SNX2: variants seen among roughly 807,000 people sequenced by gnomAD.
SNX2 encodes the protein sorting nexin 2, also known as sorting nexin-2.
SNX2 carries 25 observed loss-of-function variants against 69.9 expected under a neutral mutation model. The ratio of observed to expected loss-of-function variants is 0.36; its 90% CI spans 0.26 to 0.50. SNX2 has a LOEUF of 0.50. Ranked by LOEUF, SNX2 falls within the 20% of genes least tolerant of loss-of-function variation. The pLI, the probability that SNX2 is intolerant of heterozygous loss-of-function variation, is 0.97. For synonymous variants in SNX2, 229 were observed against 200.4 expected, an observed-to-expected ratio of 1.14 and a Z score of -1.20; for missense variants, 551 against 613.3, an observed-to-expected ratio of 0.90 and a Z score of 1.07.
At chr5:122,799,084 G>T (rs1753452967) in intron 2 of SNX2, among the ~76,000 whole-genome samples, 1 of 151,360 alleles carries the variant, frequency 6.6e-6, no homozygotes, top group Non-Finnish European at 1.5e-5. Context: ...TTATTGATTT[G>T]GTTTGATTTT....
intron 1 of SNX2, among the ~76,000 whole-genome samples, chr5:122,788,047 C>A (rs989796208): frequency 6.6e-6 from 1 of 152,136 alleles, no homozygotes; most frequent in Non-Finnish European, 1.5e-5. Flanking sequence ...TAAAGAATTT[C>A]CTTCAGCATT....
intron 1 of SNX2, among the ~76,000 whole-genome samples, chr5:122,792,765 A>T (rs1034052164): frequency 7.2e-5 from 11 of 152,220 alleles, no homozygotes; most frequent in African/African-American, 2.2e-4. Context: ...TTTTATCCAG[A>T]ATATATAAGG....
intron 1 of SNX2, among the ~76,000 whole-genome samples, chr5:122,791,787 T>A (rs899066718): frequency 1.2e-4 from 18 of 152,252 alleles, no homozygotes; most frequent in Admixed American, 1.0e-3. Context: ...TATCCATCAT[T>A]ATTTTCTTAA....
chr5:122,825,574 T>C (rs1249041707), intron 11 of SNX2, among the ~76,000 whole-genome samples: 2 of 152,110 alleles, frequency 1.3e-5, no homozygotes, highest in Non-Finnish European at 2.9e-5. Context: ...TTTGCCTTTT[T>C]TTATTTGCTA....
At chr5:122,801,817 C>A in intron 3 of SNX2, 52 bp from the exon 4 acceptor site, 1 of 1,143,940 alleles carries the variant, frequency 8.7e-7, no homozygotes, top group Non-Finnish European at 1.3e-6. Flanking sequence ...AGTGTCATGA[C>A]AATAATTTAA....
rs1446544794 is a variant in SNX2 at position 122,795,399 on chromosome 5, T to G, written c.226+16T>G. 1.3e-6 allele frequency: 2 copies of G among 1,503,724 alleles called. No individual in the cohort carries two copies. The highest frequency in any genetic ancestry group is 4.5e-5 in the East Asian group (2 of 44,224). 93.1% of individuals were successfully genotyped at this position (1,503,724 alleles called of 1,614,324 possible). A position where few individuals can be genotyped will look rare whatever the true frequency, so the allele number is the denominator to read the frequency against. ...CTTTTTGCAGGTAATTGTCATGTAT[T>G]TATTTTTTAATAATGGTCAATTGCA... On this transcript the variant is annotated intron_variant, in intron 2 of 14. Coordinates refer to ENST00000379516, the MANE Select transcript of SNX2 (RefSeq NM_003100.4).
intron 11 of SNX2, among the ~76,000 whole-genome samples, chr5:122,825,388 A>G (rs145382893): frequency 0.01 from 1,592 of 152,122 alleles, 44 homozygotes; most frequent in Admixed American, 0.063. Flanking sequence ...TTGCTCTGCC[A>G]GACTCCTTGA....
At chr5:122,806,142 G>GCGCACACACACA in intron 6 of SNX2, among the ~76,000 whole-genome samples, 1 of 130,584 alleles carries the variant, frequency 7.7e-6, no homozygotes, top group Non-Finnish European at 1.6e-5. Context: ...ACACGCGCGC[G>GCGCACACACACA]CACACACACA....
chr5:122,784,668 T>C (rs1753042465), intron 1 of SNX2, among the ~76,000 whole-genome samples: 1 of 152,206 alleles, frequency 6.6e-6, no homozygotes. Context: ...GTTTAGGCTT[T>C]TGTGTCTGTG....
chr5:122,801,652 C>CATGTGTGTGTGT (rs113836294), intron 3 of SNX2, among the ~76,000 whole-genome samples: 19 of 132,120 alleles, frequency 1.4e-4, no homozygotes, highest in African/African-American at 5.3e-4. Context: ...TGGTCTTTTT[C>CATGTGTGTGTGT]GTGTGTGTGT....
At chr5:122,805,049 T>C (rs957718372) in intron 6 of SNX2, among the ~76,000 whole-genome samples, 10 of 152,038 alleles carry the variant, frequency 6.6e-5, no homozygotes, top group Non-Finnish European at 1.5e-4. Context: ...CTCGGCACTT[T>C]GGGAGACCGA....
Position 122,831,489 on chromosome 5 carries a change from A to G in SNX2, c.*1841A>G, listed in dbSNP as rs201131977. Among the ~76,000 whole-genome samples the G allele has an allele frequency of 1.4e-5, 2 of 148,122 alleles. No homozygotes were observed. The highest frequency in any genetic ancestry group is 3.9e-4 in the East Asian group (2 of 5,194). Reference sequence around the variant, plus strand: ...GACAACATAGTGAGACCCTGTCTCTAAAAAAAATGAAGACTTGATGAGTTG... The same window carrying G: ...GACAACATAGTGAGACCCTGTCTCTGAAAAAAATGAAGACTTGATGAGTTG... On this transcript the variant is annotated 3_prime_UTR_variant, in exon 15 of 15. Coordinates refer to ENST00000379516, the MANE Select transcript of SNX2 (RefSeq NM_003100.4).
chr5:122,814,236 A>T (rs1053727371), intron 7 of SNX2, among the ~76,000 whole-genome samples: 8 of 152,202 alleles, frequency 5.3e-5, no homozygotes, highest in African/African-American at 1.4e-4. Context: ...AACTTATCTG[A>T]TATATTGTGA....
intron 1 of SNX2, chr5:122,775,757 A>C: frequency 5.1e-6 from 5 of 985,396 alleles, no homozygotes; most frequent in Non-Finnish European, 6.0e-6. Context: ...TTGGACTGTT[A>C]AATAGGTAAA....
intron 1 of SNX2, among the ~76,000 whole-genome samples, chr5:122,786,623 T>C (rs1753094942): frequency 6.6e-6 from 1 of 152,138 alleles, no homozygotes; most frequent in Non-Finnish European, 1.5e-5. Context: ...TTGGAAGTCA[T>C]TGCTGCGCAC....
At chr5:122,779,249 TCA>T (rs1432776135) in intron 1 of SNX2, among the ~76,000 whole-genome samples, 1 of 152,172 alleles carries the variant, frequency 6.6e-6, no homozygotes, top group African/African-American at 2.4e-5. Context: ...CAACATCACC[TCA>T]GTTTTAGAGC....
intron 11 of SNX2, among the ~76,000 whole-genome samples, chr5:122,821,451 A>T (rs1195365442): frequency 2.0e-5 from 3 of 147,722 alleles, no homozygotes; most frequent in African/African-American, 7.5e-5. Flanking sequence ...ACATAAGTAG[A>T]TGTCCTTTTT....
chr5:122,828,887 G>A (rs916734570), intron 14 of SNX2, among the ~76,000 whole-genome samples: 1 of 152,152 alleles, frequency 6.6e-6, no homozygotes, highest in African/African-American at 2.4e-5. Context: ...GGGAGGCCGA[G>A]GCGGGTGGAT....
Position 122,801,845 on chromosome 5 carries a change from C to CA in SNX2, c.391-18dup, listed in dbSNP as rs760192687. 8 of 1,415,826 alleles carry CA rather than the reference C, an allele frequency of 5.7e-6. No individual in the cohort carries two copies. The South Asian group carries it at 8.8e-5, about 16-fold the overall frequency. 87.7% of individuals were successfully genotyped at this position (1,415,826 alleles called of 1,614,324 possible). A position where few individuals can be genotyped will look rare whatever the true frequency, so the allele number is the denominator to read the frequency against. ...TAATTTAAATTATAATTTTTAATGC[C>CA]AAAAAATAATTTATACTTTCTAGAT... On this transcript the variant is annotated intron_variant, in intron 3 of 14. Transcript: ENST00000379516.
Sources: gnomAD v4.1 joint callset for allele counts (sites outside exome capture counted in the v4.1 genomes callset) on GRCh38, gnomAD v4.1.1 for gene constraint, MANE v1.5 for transcripts, NCBI Gene and HGNC (gene_info 2026-07-23, HGNC 2026-07-21) for gene names.